The following ARHGEF4 variants were observed in gnomAD, a reference collection of about 807,000 sequenced individuals.
ARHGEF4 encodes Rho guanine nucleotide exchange factor 4.
A neutral mutation model predicts 162.0 loss-of-function variants in ARHGEF4; 119 were observed. The ratio of observed to expected loss-of-function variants is 0.73; its 90% CI spans 0.63 to 0.86. The LOEUF is 0.86. ARHGEF4 is among the 40% of genes least tolerant of loss of function. The pLI is 0.00. For synonymous variants in ARHGEF4, 1,014 were observed against 979.9 expected (o/e 1.03, Z -0.65); for missense variants, 2,488 against 2,456.0 (o/e 1.01, Z -0.28).
intron 4 of ARHGEF4, among the ~76,000 whole-genome samples, chr2:131,004,119 A>T (rs1687952507): frequency 6.6e-6 from 1 of 152,066 alleles, no homozygotes. Flanking sequence ...CAGGCCTTCC[A>T]TATGCCTATG....
At chr2:130,846,318 C>T (rs567070435) in intron 1 of ARHGEF4, among the ~76,000 whole-genome samples, 1 of 152,316 alleles carries the variant, frequency 6.6e-6, no homozygotes, top group East Asian at 1.9e-4. Flanking sequence ...ATCTGAGACC[C>T]CCACAACCCA....
At chr2:130,947,702 C>T (rs1046177009) in intron 4 of ARHGEF4, among the ~76,000 whole-genome samples, 6 of 152,260 alleles carry the variant, frequency 3.9e-5, no homozygotes, top group African/African-American at 9.6e-5. Flanking sequence ...GGAATTGGGC[C>T]GCAGGTGAGA....
chr2:130,845,279 G>A (rs1029743286), intron 1 of ARHGEF4, among the ~76,000 whole-genome samples: 1 of 151,620 alleles, frequency 6.6e-6, no homozygotes, highest in African/African-American at 2.4e-5. Flanking sequence ...CAGCACTTTG[G>A]GAGGCCATTT....
chr2:130,968,960 C>T (rs1370389904), intron 4 of ARHGEF4, among the ~76,000 whole-genome samples: 1 of 152,054 alleles, frequency 6.6e-6, no homozygotes, highest in Non-Finnish European at 1.5e-5. Context: ...ATGAACTATC[C>T]ATTATACTTG....
Position 130,917,226 on chromosome 2 carries a change from C to A in ARHGEF4, c.3280C>A (p.Pro1094Thr). 1.9e-6 allele frequency: 3 copies of A among 1,550,554 alleles called. No individual in the cohort carries two copies. The change falls in exon 2 of 14, where the codon CCC (proline) becomes ACC (threonine). Residue 1094 changes from proline to threonine, a missense_variant. Pro to Thr is a conservative substitution (Grantham distance 38, BLOSUM62 -1). This residue lies in a region of ARHGEF4 where 1,642 missense variants were observed against 1,481.5 expected (regional missense o/e 1.11). Coordinates refer to ENST00000409359, the MANE Select transcript of ARHGEF4 (RefSeq NM_001367493.1). ...GTPCRPTSPK[P>T]LSPRPSAQRM... ...GCCCTGCAGACCCACGAGCCCCAAG[C>A]CCCTGAGTCCCAGGCCTAGTGCTCA...
chr2:130,947,199 C>T (rs1261385937), intron 4 of ARHGEF4: 1 of 152,032 alleles, frequency 6.6e-6, no homozygotes, highest in African/African-American at 2.4e-5. Flanking sequence ...CATTGCACTC[C>T]AGCCTGGGCA....
chr2:131,025,663 C>G (rs984063736), intron 4 of ARHGEF4, among the ~76,000 whole-genome samples: 1 of 152,172 alleles, frequency 6.6e-6, no homozygotes, highest in Non-Finnish European at 1.5e-5. Flanking sequence ...GTCGACATTA[C>G]GACATTAACA....
chr2:130,885,910 C>G (rs1679493888), intron 1 of ARHGEF4, among the ~76,000 whole-genome samples: 1 of 151,964 alleles, frequency 6.6e-6, no homozygotes, highest in Non-Finnish European at 1.5e-5. Flanking sequence ...CTCATAACTT[C>G]ATGAGACATG....
At chr2:130,993,102 T>A (rs530751001) in intron 4 of ARHGEF4, among the ~76,000 whole-genome samples, 1 of 152,148 alleles carries the variant, frequency 6.6e-6, no homozygotes, top group African/African-American at 2.4e-5. Flanking sequence ...AAAACAAAAA[T>A]AGACATCAAG....
chr2:131,007,604 C>G (rs1558842801), intron 4 of ARHGEF4, among the ~76,000 whole-genome samples: 1 of 151,928 alleles, frequency 6.6e-6, no homozygotes, highest in African/African-American at 2.4e-5. Flanking sequence ...TCCTACCATC[C>G]AAAAATAGAT....
chr2:131,013,792 G>T (rs975041501), intron 4 of ARHGEF4, among the ~76,000 whole-genome samples: 3 of 152,028 alleles, frequency 2.0e-5, no homozygotes, highest in African/African-American at 7.2e-5. Flanking sequence ...GTAGATACGG[G>T]ATTTCACCAT....
intron 12 of ARHGEF4, among the ~76,000 whole-genome samples, chr2:131,044,802 GTTGT>G (rs1487839074): frequency 6.6e-6 from 1 of 152,254 alleles, no homozygotes; most frequent in East Asian, 1.9e-4. Flanking sequence ...CTTTTGGGGA[GTTGT>G]TTCACTACAC....
At chr2:130,845,619 G>A (rs1004144331) in intron 1 of ARHGEF4, among the ~76,000 whole-genome samples, 14 of 152,078 alleles carry the variant, frequency 9.2e-5, no homozygotes, top group African/African-American at 3.4e-4. Flanking sequence ...TTTTACAGAG[G>A]CATGCTGACT....
chr2:130,923,856 C>G (rs1682048507), intron 2 of ARHGEF4, among the ~76,000 whole-genome samples: 1 of 151,032 alleles, frequency 6.6e-6, no homozygotes, highest in Non-Finnish European at 1.5e-5. Flanking sequence ...GATGCTTTAG[C>G]TGCAGTCTTT....
intron 4 of ARHGEF4, among the ~76,000 whole-genome samples, chr2:131,011,095 T>G (rs1356753725): frequency 6.6e-6 from 1 of 152,238 alleles, no homozygotes. Context: ...CTTTCCACAC[T>G]GCAGAATTTC....
chr2:131,035,921 G>A (rs910703060), intron 5 of ARHGEF4: 1 of 953,056 alleles, frequency 1.0e-6, no homozygotes, highest in Non-Finnish European at 1.2e-6. Flanking sequence ...TCTGGAGGCT[G>A]TCAGAACCTC....
At chr2:130,896,877 A>G (rs1680187957) in intron 1 of ARHGEF4, among the ~76,000 whole-genome samples, 1 of 152,164 alleles carries the variant, frequency 6.6e-6, no homozygotes, top group Admixed American at 6.5e-5. Flanking sequence ...GTTTTATGGC[A>G]GCTGAGTCTG....
chr2:130,891,249 T>A (rs1679847981), intron 1 of ARHGEF4, among the ~76,000 whole-genome samples: 1 of 152,228 alleles, frequency 6.6e-6, no homozygotes, highest in Admixed American at 6.5e-5. Flanking sequence ...CATGATTCAC[T>A]GTTCTGGGTA....
intron 3 of ARHGEF4, among the ~76,000 whole-genome samples, chr2:130,931,861 G>A (rs1682652828): frequency 6.6e-6 from 1 of 152,142 alleles, no homozygotes; most frequent in Non-Finnish European, 1.5e-5. Context: ...AAGTGTTTGT[G>A]AAGTACACAT....
Sources: gnomAD v4.1 joint callset for allele counts (sites outside exome capture counted in the v4.1 genomes callset) on GRCh38, gnomAD v4.1.1 for gene constraint, gnomAD v4.1.1 regional missense constraint, MANE v1.5 for transcripts, NCBI Gene and HGNC (gene_info 2026-07-23, HGNC 2026-07-21) for gene names.